The following FBXL2 variants were observed in gnomAD, a reference collection of about 807,000 sequenced individuals.
FBXL2 encodes F-box/LRR-repeat protein 2.
A neutral mutation model predicts 69.2 loss-of-function variants in FBXL2; 38 were observed. The observed-to-expected ratio is 0.55, with a 90% CI of 0.42 to 0.72. The LOEUF (loss-of-function observed/expected upper bound fraction) is 0.72. Among genes scored for constraint, FBXL2 ranks in the 30% least tolerant of loss-of-function variants. The pLI, the probability that FBXL2 is intolerant of heterozygous loss-of-function variation, is 0.00. For synonymous variants in FBXL2, 192 were observed against 201.3 expected (o/e 0.95, Z 0.39); for missense variants, 354 against 520.3 (o/e 0.68, Z 3.11).
chr3:33,365,142 A>G (rs1309581414), intron 5 of FBXL2, among the ~76,000 whole-genome samples: 1 of 152,188 alleles, frequency 6.6e-6, no homozygotes. Flanking sequence ...AACTATTTCA[A>G]AAATTTCCTT....
At chr3:33,354,522 AAAATT>A (rs1217398973) in intron 2 of FBXL2, among the ~76,000 whole-genome samples, 8 of 152,130 alleles carry the variant, frequency 5.3e-5, no homozygotes, top group African/African-American at 1.7e-4. Context: ...GGAAAAAAAA[AAAATT>A]AAAGGGGAGA....
chr3:33,415,613 T>C, the FBXL2 span, among the ~76,000 whole-genome samples: 2 of 152,110 alleles, frequency 1.3e-5, no homozygotes, highest in African/African-American at 4.8e-5. Context: ...TTTACCATAA[T>C]AAAAAGTTAA....
chr3:33,344,789 GATTA>G (rs1388918257), intron 2 of FBXL2, among the ~76,000 whole-genome samples: 1 of 152,118 alleles, frequency 6.6e-6, no homozygotes, highest in Non-Finnish European at 1.5e-5. Flanking sequence ...CTTTTGAAAA[GATTA>G]ATTGATAAAT....
intron 2 of FBXL2, among the ~76,000 whole-genome samples, chr3:33,299,123 C>T (rs976361305): frequency 6.6e-6 from 1 of 151,800 alleles, no homozygotes; most frequent in African/African-American, 2.4e-5. Context: ...CTCACCGCAT[C>T]TTCCGCCTCC....
chr3:33,334,945 A>C (rs559384892), intron 2 of FBXL2, among the ~76,000 whole-genome samples: 5 of 151,988 alleles, frequency 3.3e-5, no homozygotes, highest in African/African-American at 9.6e-5. Context: ...CCACCAAAAA[A>C]AATATGTATG....
intron 2 of FBXL2, among the ~76,000 whole-genome samples, chr3:33,343,274 TTTCTC>T (rs1396858698): frequency 2.0e-5 from 3 of 152,154 alleles, no homozygotes; most frequent in African/African-American, 7.2e-5. Flanking sequence ...AACAATTTAA[TTTCTC>T]TTATGCTACT....
Position 33,373,562 on chromosome 3 carries a change from T to C in FBXL2, c.456-16T>C, listed in dbSNP as rs201907309. 76 of 1,614,158 alleles carry C rather than the reference T, an allele frequency of 4.7e-5. No individual in the cohort carries two copies. In the African/African-American group the frequency reaches 8.5e-4, roughly 18 times the overall value. On this transcript the variant is annotated splice_polypyrimidine_tract_variant and intron_variant, in intron 7 of 14. Transcript: ENST00000484457. ...AGGAGAGACTGCACATAAGTTTTTG[T>C]TTCTTGTTCTCTCAGTGAGGGCTGC...
At chr3:33,378,775 T>C in intron 13 of FBXL2, 34 bp downstream of exon 13, 1 of 1,614,076 alleles carries the variant, frequency 6.2e-7, no homozygotes, top group Non-Finnish European at 8.5e-7. Context: ...TATTCACCTG[T>C]TAAAGATGAA....
At chr3:33,396,384 CT>C in intron 12 of FBXL2, 1 of 838,788 alleles carries the variant, frequency 1.2e-6, no homozygotes, top group Non-Finnish European at 1.8e-6. Context: ...CTTATGAGAA[CT>C]TTATAATGTT....
Position 33,383,977 on chromosome 3 carries a change from T to G in FBXL2, c.952-12T>G. ...GGTCCTGCAAACATTTACTCATGTC[T>G]TCCTGTTCCAGAGCCTGTCCCACTG... On this transcript the variant is annotated splice_polypyrimidine_tract_variant and intron_variant, in intron 13 of 14. Transcript: ENST00000484457. The G allele has an allele frequency of 6.2e-7, 1 of 1,613,434 alleles. No homozygotes were observed. Among genetic ancestry groups the G allele is most frequent in the Non-Finnish European group, 8.5e-7 (1 of 1,179,372 alleles).
the FBXL2 span, chr3:33,411,797 G>A: frequency 1.2e-6 from 1 of 816,884 alleles, no homozygotes; most frequent in South Asian, 1.6e-5. Context: ...TTTGAACTCT[G>A]TCTTTCAATG....
intron 4 of FBXL2, among the ~76,000 whole-genome samples, chr3:33,359,598 C>G (rs1188345228): frequency 1.3e-5 from 2 of 151,896 alleles, no homozygotes; most frequent in East Asian, 1.9e-4. Context: ...TACTACTCAG[C>G]TTTTTAAAGC....
chr3:33,338,191 C>T (rs888431216), intron 2 of FBXL2, among the ~76,000 whole-genome samples: 1 of 152,092 alleles, frequency 6.6e-6, no homozygotes, highest in Non-Finnish European at 1.5e-5. Context: ...GCAGGTAGAT[C>T]GCTTGCGATC....
At chr3:33,291,428 T>G (rs184206861) in intron 1 of FBXL2, among the ~76,000 whole-genome samples, 1 of 152,290 alleles carries the variant, frequency 6.6e-6, no homozygotes, top group East Asian at 1.9e-4. Flanking sequence ...TCTGAAGGAA[T>G]GAATTACACC....
chr3:33,317,046 T>A (rs780618911), intron 2 of FBXL2, among the ~76,000 whole-genome samples: 1 of 152,038 alleles, frequency 6.6e-6, no homozygotes, highest in Non-Finnish European at 1.5e-5. Flanking sequence ...TGACTACAGG[T>A]GCATGCTATC....
chr3:33,282,445 T>A (rs1431108997), intron 1 of FBXL2, among the ~76,000 whole-genome samples: 1 of 152,218 alleles, frequency 6.6e-6, no homozygotes, highest in East Asian at 1.9e-4. Context: ...TTTTGGTTAC[T>A]GTAGCCTTGT....
At chr3:33,422,026 G>A in the FBXL2 span, among the ~76,000 whole-genome samples, 1 of 152,114 alleles carries the variant, frequency 6.6e-6, no homozygotes, top group South Asian at 2.1e-4. Flanking sequence ...CTAAGAGACA[G>A]AGTGAGACCC....
chr3:33,351,726 A>T (rs1234414653), intron 2 of FBXL2, among the ~76,000 whole-genome samples: 1 of 152,208 alleles, frequency 6.6e-6, no homozygotes, highest in African/African-American at 2.4e-5. Flanking sequence ...CCAGTTTAGA[A>T]TACAGCTTGG....
intron 12 of FBXL2, 120 bp from the exon 13 acceptor site, chr3:33,378,565 A>C: frequency 1.1e-6 from 1 of 951,558 alleles, no homozygotes; most frequent in Admixed American, 2.5e-5. Flanking sequence ...CCAGCCCCAG[A>C]GTGTTTGAGA....
Sources: gnomAD v4.1 joint callset for allele counts (sites outside exome capture counted in the v4.1 genomes callset) on GRCh38, gnomAD v4.1.1 for gene constraint, MANE v1.5 for transcripts, NCBI Gene and HGNC (gene_info 2026-07-23, HGNC 2026-07-21) for gene names.